Variants in LGR5 observed in about 807,000 individuals in gnomAD.
LGR5 encodes the protein leucine rich repeat containing G protein-coupled receptor 5, also known as leucine-rich repeat-containing G protein-coupled receptor 5.
Under a neutral mutation model 76.7 loss-of-function variants are expected in LGR5, and 54 were observed. That is an observed-to-expected ratio of 0.70 (90% CI 0.57 to 0.88). The LOEUF (loss-of-function observed/expected upper bound fraction) is 0.88. Ranked by LOEUF, LGR5 falls within the 40% of genes least tolerant of loss-of-function variation. The pLI, the probability that LGR5 is intolerant of heterozygous loss-of-function variation, is 0.00. For synonymous variants in LGR5, 406 were observed against 421.9 expected, an observed-to-expected ratio of 0.96 and a Z score of 0.46; for missense variants, 1,078 against 1,073.3, an observed-to-expected ratio of 1.00 and a Z score of -0.06.
chr12:71,517,288 C>G (rs1478969871), intron 2 of LGR5, among the ~76,000 whole-genome samples: 2 of 152,186 alleles, frequency 1.3e-5, no homozygotes, highest in African/African-American at 4.8e-5. Flanking sequence ...GCCCAGCAAA[C>G]AGCCAATAGC....
intron 2 of LGR5, among the ~76,000 whole-genome samples, chr12:71,513,056 C>A (rs553267146): frequency 2.0e-5 from 3 of 152,216 alleles, no homozygotes; most frequent in African/African-American, 7.2e-5. Context: ...GTCCTTCTCC[C>A]AGAATGTCTG....
chr12:71,469,424 T>A (rs999740602), intron 1 of LGR5, among the ~76,000 whole-genome samples: 1 of 152,262 alleles, frequency 6.6e-6, no homozygotes, highest in Non-Finnish European at 1.5e-5. Flanking sequence ...AGTCACTGTG[T>A]GCTGGGCGGG....
intron 1 of LGR5, among the ~76,000 whole-genome samples, chr12:71,446,248 T>C (rs1871984624): frequency 6.6e-6 from 1 of 152,220 alleles, no homozygotes; most frequent in African/African-American, 2.4e-5. Flanking sequence ...GCCACAATTA[T>C]TGTCCAGCCC....
At chr12:71,580,773 C>T (rs2137477747) in intron 16 of LGR5, among the ~76,000 whole-genome samples, 1 of 152,124 alleles carries the variant, frequency 6.6e-6, no homozygotes, top group South Asian at 2.1e-4. Flanking sequence ...CGCCACTGCA[C>T]TCCAGCCTGG....
At position 71,584,984 on chromosome 12, in the gene LGR5, C is replaced by CA. The variant is rs1879261993; in HGVS notation, c.*256dup. The stretch of plus-strand genomic sequence containing the variant: ...TCACACTATTTAAGTGAGCCCAGAT[C>CA]AAAAAAGCAGATTGAAATTTTCTTT... On this transcript the variant is annotated 3_prime_UTR_variant, in exon 18 of 18. Transcript: ENST00000266674. 2.5e-6 allele frequency: 1 copy of CA among 398,304 alleles called. No homozygotes were observed. The allele number at this position is 398,304 out of a possible 1,614,324, so 24.7% of individuals were successfully genotyped here.
intron 3 of LGR5, among the ~76,000 whole-genome samples, chr12:71,531,172 A>G (rs1876289647): frequency 6.6e-6 from 1 of 152,194 alleles, no homozygotes; most frequent in African/African-American, 2.4e-5. Context: ...TCATATGTGA[A>G]TGATAAAAAT....
intron 13 of LGR5, among the ~76,000 whole-genome samples, chr12:71,573,454 T>G (rs949094930): frequency 6.6e-6 from 1 of 152,216 alleles, no homozygotes; most frequent in African/African-American, 2.4e-5. Flanking sequence ...TAGAATCACT[T>G]CTGTTGCTCA....
chr12:71,528,092 T>A (rs1218696334), intron 3 of LGR5, among the ~76,000 whole-genome samples: 1 of 152,230 alleles, frequency 6.6e-6, no homozygotes, highest in Non-Finnish European at 1.5e-5. Context: ...GATAATTAAA[T>A]AAGTAACTTA....
At chr12:71,576,337 AG>A (rs1341736282) in intron 13 of LGR5, among the ~76,000 whole-genome samples, 8 of 152,232 alleles carry the variant, frequency 5.3e-5, no homozygotes, top group South Asian at 2.1e-4. Context: ...TGCAGAAACC[AG>A]TAACATCTGG....
At chr12:71,511,734 G>A (rs960781150) in intron 2 of LGR5, among the ~76,000 whole-genome samples, 3 of 152,066 alleles carry the variant, frequency 2.0e-5, no homozygotes, top group Non-Finnish European at 4.4e-5. Flanking sequence ...TGCAGAACCA[G>A]ATTCATTCAT....
At chr12:71,462,101 C>A (rs1465730887) in intron 1 of LGR5, among the ~76,000 whole-genome samples, 1 of 152,138 alleles carries the variant, frequency 6.6e-6, no homozygotes, top group Non-Finnish European at 1.5e-5. Flanking sequence ...ACTGCCAAAT[C>A]AGTCTTTCTA....
chr12:71,490,079 A>G (rs1230194240), intron 1 of LGR5, among the ~76,000 whole-genome samples: 1 of 151,640 alleles, frequency 6.6e-6, no homozygotes, highest in Non-Finnish European at 1.5e-5. Flanking sequence ...TTGGTGAGCC[A>G]TGATCACACC....
chr12:71,480,008 G>C (rs1402308871), intron 1 of LGR5, among the ~76,000 whole-genome samples: 1 of 152,136 alleles, frequency 6.6e-6, no homozygotes, highest in African/African-American at 2.4e-5. Context: ...AAGTTTGGCT[G>C]CCATGTAGAA....
intron 3 of LGR5, among the ~76,000 whole-genome samples, chr12:71,526,449 T>C (rs1050562451): frequency 1.3e-5 from 2 of 151,118 alleles, no homozygotes; most frequent in African/African-American, 4.9e-5. Context: ...AAAAAAAAAA[T>C]GGTATTTAGA....
chr12:71,461,310 T>C (rs1196862341), intron 1 of LGR5, among the ~76,000 whole-genome samples: 1 of 152,210 alleles, frequency 6.6e-6, no homozygotes, highest in Non-Finnish European at 1.5e-5. Flanking sequence ...GAATGAGTTA[T>C]GTAAGGTGCT....
intron 3 of LGR5, among the ~76,000 whole-genome samples, chr12:71,531,312 C>A (rs770685718): frequency 2.6e-5 from 4 of 152,118 alleles, no homozygotes; most frequent in African/African-American, 9.7e-5. Flanking sequence ...GCACTATAAA[C>A]CTTGTAATTG....
rs1384336007 is a variant in LGR5, at chr12:71,455,785, TACTC to T, written c.212+15495_212+15498del. ...TGCACGCTGTTGTTTGGATGTATGA[TACTC>T]AATATACACAAAAAATTATACAAAA... On this transcript the variant is annotated intron_variant, in intron 1 of 17. Transcript: ENST00000266674. Among the ~76,000 whole-genome samples, 6 of 152,316 alleles carry T rather than the reference TACTC, an allele frequency of 3.9e-5. No homozygotes were observed. In the East Asian group the frequency reaches 1.2e-3, roughly 29 times the overall value.
intron 1 of LGR5, among the ~76,000 whole-genome samples, chr12:71,456,229 C>A (rs1872468880): frequency 6.6e-6 from 1 of 152,070 alleles, no homozygotes; most frequent in Admixed American, 6.6e-5. Context: ...GGAAAAAATA[C>A]AATATTTCCA....
Position 71,561,838 on chromosome 12 carries a change from T to G in LGR5, c.843T>G (p.Pro281=). ...SIPEKAFVGN[P]SLITIHFYDN... The stretch of plus-strand genomic sequence containing the variant: ...CTGAGAAAGCATTTGTAGGCAACCC[T>G]TCTCTTATTACAATGTAAGTGACCA... Residue 281 remains proline, a synonymous_variant, in exon 8 of 18, where the codon CCT becomes CCG. Transcript: ENST00000266674. The G allele has an allele frequency of 6.3e-7, 1 of 1,597,568 alleles. No individual in the cohort carries two copies. Among genetic ancestry groups the G allele is most frequent in the Non-Finnish European group, 8.6e-7 (1 of 1,166,166 alleles).
Sources: gnomAD v4.1 joint callset for allele counts (sites outside exome capture counted in the v4.1 genomes callset) on GRCh38, gnomAD v4.1.1 for gene constraint, MANE v1.5 for transcripts, NCBI Gene and HGNC (gene_info 2026-07-23, HGNC 2026-07-21) for gene names.